ARB2A: variants seen among roughly 807,000 people sequenced by gnomAD.
The protein encoded by ARB2A is ARB2 cotranscriptional regulator A.
the ARB2A span, among the ~76,000 whole-genome samples, chr5:93,969,081 A>G: frequency 6.7e-6 from 1 of 149,034 alleles, no homozygotes; most frequent in Non-Finnish European, 1.5e-5. Flanking sequence ...CTTATTTCAG[A>G]GAAAATGAAA....
At chr5:93,931,507 T>C in the ARB2A span, among the ~76,000 whole-genome samples, 2 of 152,152 alleles carry the variant, frequency 1.3e-5, no homozygotes, top group Non-Finnish European at 2.9e-5. Context: ...TGTTAAAACA[T>C]AGAATGGTCT....
At chr5:94,069,071 T>TAGAC in the ARB2A span, among the ~76,000 whole-genome samples, 1 of 151,512 alleles carries the variant, frequency 6.6e-6, no homozygotes, top group Non-Finnish European at 1.5e-5. Flanking sequence ...GATAGATAGA[T>TAGAC]AGATAGATAG....
chr5:93,841,051 A>C, the ARB2A span, among the ~76,000 whole-genome samples: 1 of 152,186 alleles, frequency 6.6e-6, no homozygotes, highest in African/African-American at 2.4e-5. Flanking sequence ...GGGAATGTCC[A>C]TCAAAGTAAA....
At chr5:93,764,608 C>T in the ARB2A span, among the ~76,000 whole-genome samples, 9 of 152,172 alleles carry the variant, frequency 5.9e-5, no homozygotes, top group Admixed American at 4.6e-4. Context: ...CCGAACTCTA[C>T]AAGAGGTACA....
the ARB2A span, among the ~76,000 whole-genome samples, chr5:93,867,209 C>T: frequency 2.6e-5 from 4 of 152,048 alleles, no homozygotes; most frequent in Admixed American, 2.0e-4. Context: ...ATTATTATTG[C>T]TATGACAGAA....
the ARB2A span, among the ~76,000 whole-genome samples, chr5:94,051,935 C>T: frequency 6.6e-6 from 1 of 152,058 alleles, no homozygotes; most frequent in Non-Finnish European, 1.5e-5. Flanking sequence ...GATTCTCATG[C>T]CTCAGCCAAC....
At chr5:93,787,184 A>G in the ARB2A span, among the ~76,000 whole-genome samples, 71 of 152,306 alleles carry the variant, frequency 4.7e-4, no homozygotes, top group Middle Eastern at 3.4e-3. Flanking sequence ...AAAAGATAAG[A>G]CCATGTGATC....
At chr5:93,810,578 A>AT in the ARB2A span, among the ~76,000 whole-genome samples, 531 of 151,944 alleles carry the variant, frequency 3.5e-3, 3 homozygotes, top group Non-Finnish European at 5.3e-3. Context: ...ATTTAAAAAA[A>AT]TTTTTTGTAG....
chr5:94,031,467 T>C, the ARB2A span, among the ~76,000 whole-genome samples: 13,483 of 152,174 alleles, frequency 0.089, 766 homozygotes, highest in Middle Eastern at 0.16. Flanking sequence ...GAATAGCATA[T>C]ATGGTTGAAG....
chr5:94,055,422 A>T, the ARB2A span, among the ~76,000 whole-genome samples: 106 of 152,306 alleles, frequency 7.0e-4, no homozygotes, highest in African/African-American at 2.5e-3. Flanking sequence ...TATTTTGTCT[A>T]CCTTCAGTCA....
At chr5:93,800,127 A>G in the ARB2A span, among the ~76,000 whole-genome samples, 4 of 152,072 alleles carry the variant, frequency 2.6e-5, no homozygotes, top group African/African-American at 9.7e-5. Context: ...AGGAGAAATC[A>G]ATTTAATGTG....
At chr5:93,741,420 C>A in the ARB2A span, 18 of 1,613,290 alleles carry the variant, frequency 1.1e-5, no homozygotes, top group Non-Finnish European at 1.5e-5. Context: ...GCCTGACTGC[C>A]GGCCAGACCA....
At chr5:94,050,686 T>C in the ARB2A span, 2 of 1,423,560 alleles carry the variant, frequency 1.4e-6, no homozygotes, top group Non-Finnish European at 1.9e-6. Context: ...ATTCTGAATA[T>C]TTAAAATTGG....
At chr5:93,928,591 C>T in the ARB2A span, among the ~76,000 whole-genome samples, 7 of 152,100 alleles carry the variant, frequency 4.6e-5, no homozygotes, top group Non-Finnish European at 8.8e-5. Context: ...TATATGAACA[C>T]ATCATAACAG....
chr5:93,759,944 G>A, the ARB2A span, among the ~76,000 whole-genome samples: 411 of 152,252 alleles, frequency 2.7e-3, 1 homozygote, highest in African/African-American at 9.4e-3. Context: ...TCGGTAAAGA[G>A]GAAGTCAAAC....
the ARB2A span, among the ~76,000 whole-genome samples, chr5:94,033,095 C>A: frequency 6.6e-6 from 1 of 152,226 alleles, no homozygotes; most frequent in Non-Finnish European, 1.5e-5. Context: ...GTAAGACATG[C>A]CTGCTTCCCC....
the ARB2A span, among the ~76,000 whole-genome samples, chr5:93,985,561 T>C: frequency 1.3e-5 from 2 of 152,150 alleles, no homozygotes; most frequent in Non-Finnish European, 2.9e-5. Context: ...GTGCCTGGGA[T>C]TGCAGGCGCG....
At chr5:93,934,118 G>A in the ARB2A span, among the ~76,000 whole-genome samples, 2 of 152,236 alleles carry the variant, frequency 1.3e-5, no homozygotes, top group East Asian at 3.9e-4. Context: ...AGAATATGTA[G>A]AGTTTTATGA....
the ARB2A span, among the ~76,000 whole-genome samples, chr5:93,820,673 T>C: frequency 6.6e-6 from 1 of 152,174 alleles, no homozygotes; most frequent in South Asian, 2.1e-4. Context: ...ACTTTACATA[T>C]TGGCATTATT....
Sources: allele counts gnomAD v4.1 joint callset (sites outside exome capture counted in the v4.1 genomes callset), GRCh38; gene constraint gnomAD v4.1.1; transcripts MANE v1.5; gene names NCBI Gene and HGNC (gene_info 2026-07-23, HGNC 2026-07-21).